The following BLTP2 variants were observed in gnomAD, a reference collection of about 807,000 sequenced individuals.
The protein encoded by BLTP2 is U937-associated antigen.
the BLTP2 span, chr17:28,615,709 A>G: frequency 6.2e-7 from 1 of 1,614,226 alleles, no homozygotes; most frequent in Non-Finnish European, 8.5e-7. Flanking sequence ...CAGCCATGGC[A>G]AAGTCTAGCC....
At chr17:28,634,585 G>A in the BLTP2 span, 7 of 1,614,180 alleles carry the variant, frequency 4.3e-6, no homozygotes, top group South Asian at 1.1e-5. Flanking sequence ...TCCCTCAGGG[G>A]GAAAAGGGCT....
chr17:28,625,745 ACCTAGTTCTAGC>A, the BLTP2 span, among the ~76,000 whole-genome samples: 1 of 151,956 alleles, frequency 6.6e-6, no homozygotes, highest in African/African-American at 2.4e-5. Flanking sequence ...CACTGCCTCT[ACCTAGTTCTAGC>A]CCTCAATGCT....
the BLTP2 span, chr17:28,643,797 A>G: frequency 2.1e-6 from 2 of 932,134 alleles, no homozygotes; most frequent in Admixed American, 4.3e-5. Context: ...TTAAATTAGA[A>G]CAGTAAAATC....
At chr17:28,632,034 A>G in the BLTP2 span, 1 of 1,610,734 alleles carries the variant, frequency 6.2e-7, no homozygotes, top group Non-Finnish European at 8.5e-7. Flanking sequence ...GTCAGCAGGG[A>G]CATCAGTGCC....
At chr17:28,620,404 C>A in the BLTP2 span, 1 of 1,366,528 alleles carries the variant, frequency 7.3e-7, no homozygotes, top group Non-Finnish European at 1.0e-6. Flanking sequence ...CCACAAGGCC[C>A]TTTTTCAGTG....
At chr17:28,619,373 G>A in the BLTP2 span, among the ~76,000 whole-genome samples, 9 of 151,980 alleles carry the variant, frequency 5.9e-5, no homozygotes, top group Non-Finnish European at 1.0e-4. Flanking sequence ...GCTCACGCCT[G>A]TAATCCCAGC....
At chr17:28,633,884 T>C in the BLTP2 span, 2 of 1,613,810 alleles carry the variant, frequency 1.2e-6, no homozygotes, top group East Asian at 2.2e-5. Context: ...AACTGCCTCA[T>C]CTCTACTCAC....
chr17:28,631,645 C>T, the BLTP2 span: 3 of 1,614,064 alleles, frequency 1.9e-6, no homozygotes, highest in Non-Finnish European at 2.5e-6. Context: ...CTGGGTAACA[C>T]TCCAATCAGA....
chr17:28,638,279 T>A, the BLTP2 span: 3 of 1,612,784 alleles, frequency 1.9e-6, no homozygotes, highest in Non-Finnish European at 2.5e-6. Context: ...CCAGAACAAG[T>A]GCCTCACCCC....
chr17:28,635,151 GA>G, the BLTP2 span: 1 of 1,613,800 alleles, frequency 6.2e-7, no homozygotes, highest in African/African-American at 1.3e-5. Context: ...CACGGTTCCG[GA>G]GGGTCTGCAG....
the BLTP2 span, among the ~76,000 whole-genome samples, chr17:28,619,367 A>G: frequency 7.2e-5 from 11 of 152,064 alleles, no homozygotes; most frequent in Non-Finnish European, 1.6e-4. Context: ...ATCCCAGCTC[A>G]CGCCTGTAAT....
chr17:28,633,748 T>C, the BLTP2 span: 1 of 1,613,170 alleles, frequency 6.2e-7, no homozygotes, highest in Non-Finnish European at 8.5e-7. Context: ...CTGGAATATT[T>C]CCGCTGGGGT....
chr17:28,642,375 G>A, the BLTP2 span: 1 of 1,585,622 alleles, frequency 6.3e-7, no homozygotes, highest in East Asian at 2.2e-5. Flanking sequence ...GGCCTTGCCG[G>A]GCGCGGTGGC....
the BLTP2 span, chr17:28,643,609 C>G: frequency 6.2e-7 from 1 of 1,613,342 alleles, no homozygotes; most frequent in African/African-American, 1.3e-5. Flanking sequence ...AGGGTACTCA[C>G]GGAAGATCAT....
the BLTP2 span, among the ~76,000 whole-genome samples, chr17:28,621,973 GGAAGACCACAGCA>G: frequency 6.6e-6 from 1 of 152,112 alleles, no homozygotes; most frequent in Non-Finnish European, 1.5e-5. Context: ...GAGTGAGATG[GGAAGACCACAGCA>G]GATGGTGGAT....
the BLTP2 span, chr17:28,633,423 T>C: frequency 1.9e-6 from 3 of 1,602,830 alleles, no homozygotes; most frequent in Non-Finnish European, 2.6e-6. Flanking sequence ...CCCGAGAATT[T>C]GGTGAGATAT....
the BLTP2 span, chr17:28,624,054 G>T: frequency 7.1e-7 from 1 of 1,417,494 alleles, no homozygotes; most frequent in Non-Finnish European, 9.8e-7. Context: ...TAGGTCTAAT[G>T]CTGGCTTACC....
chr17:28,626,043 G>A, the BLTP2 span, among the ~76,000 whole-genome samples: 4 of 152,172 alleles, frequency 2.6e-5, no homozygotes, highest in African/African-American at 9.7e-5. Flanking sequence ...GACTACGGGC[G>A]TGAGCCACCA....
chr17:28,642,971 A>C, the BLTP2 span: 2 of 1,594,500 alleles, frequency 1.3e-6, no homozygotes, highest in African/African-American at 2.7e-5. Flanking sequence ...TATAGCATCT[A>C]CATGAATGGA....
Sources: gnomAD v4.1 joint callset for allele counts (sites outside exome capture counted in the v4.1 genomes callset) on GRCh38, gnomAD v4.1.1 for gene constraint, MANE v1.5 for transcripts, NCBI Gene and HGNC (gene_info 2026-07-23, HGNC 2026-07-21) for gene names.